The following CA6 variants were observed in gnomAD, a reference collection of about 807,000 sequenced individuals.
CA6 encodes the protein carbonate dehydratase VI.
Under a neutral mutation model 35.9 loss-of-function variants are expected in CA6, and 28 were observed. The ratio of observed to expected loss-of-function variants is 0.78; its 90% CI spans 0.58 to 1.07. The LOEUF is 1.07. Among genes scored for constraint, CA6 ranks in the 50% least tolerant of loss-of-function variants. The pLI is 0.00. For synonymous variants in CA6, 148 were observed against 152.6 expected (o/e 0.97, Z 0.22); for missense variants, 377 against 382.0 (o/e 0.99, Z 0.11).
chr1:8,954,155 CTTTA>C (rs775598868), intron 2 of CA6, among the ~76,000 whole-genome samples: 5 of 149,624 alleles, frequency 3.3e-5, no homozygotes, highest in Non-Finnish European at 5.9e-5. Flanking sequence ...AGCAGCCATT[CTTTA>C]TTCCACTACT....
At chr1:8,961,816 T>C (rs911111113) in intron 4 of CA6, among the ~76,000 whole-genome samples, 9 of 152,186 alleles carry the variant, frequency 5.9e-5, no homozygotes, top group Non-Finnish European at 1.0e-4. Flanking sequence ...TGACCTGGTG[T>C]TGGGGGAATT....
intron 5 of CA6, among the ~76,000 whole-genome samples, chr1:8,967,298 A>C (rs1639995294): frequency 6.6e-6 from 1 of 152,168 alleles, no homozygotes; most frequent in Non-Finnish European, 1.5e-5. Context: ...CAGCAGTTAC[A>C]CTTAGGAGTA....
intron 6 of CA6, among the ~76,000 whole-genome samples, chr1:8,970,644 G>A (rs1640085136): frequency 6.6e-6 from 1 of 152,064 alleles, no homozygotes; most frequent in Admixed American, 6.6e-5. Context: ...GAGTAGCTGG[G>A]ATTACAGGTG....
chr1:8,968,923 T>C (rs1277284056), intron 6 of CA6, among the ~76,000 whole-genome samples: 5 of 150,528 alleles, frequency 3.3e-5, no homozygotes, highest in Non-Finnish European at 7.4e-5. Flanking sequence ...GAGGCTGAGG[T>C]GGAAGAATCA....
In CA6 at chr1:8,948,274, C is replaced by T. The variant is rs1336700697; in HGVS notation, c.80-989C>T. On this transcript the variant is annotated intron_variant, in intron 1 of 7. Coordinates refer to ENST00000377443, the MANE Select transcript of CA6 (RefSeq NM_001215.4). ...CCACAGCTGTATGGGAGCCAAGTCA[C>T]CATGATAATCACTCACCTATGTTAC... Among the ~76,000 whole-genome samples, 3 of 152,106 alleles carry T rather than the reference C, an allele frequency of 2.0e-5. No homozygotes were observed. In the East Asian group the frequency reaches 5.8e-4, roughly 29 times the overall value.
At chr1:8,970,748 G>C in intron 6 of CA6, 119 bp from the exon 7 acceptor site, 1 of 720,848 alleles carries the variant, frequency 1.4e-6, no homozygotes, top group Non-Finnish European at 2.6e-6. Flanking sequence ...TGATCTGCCC[G>C]CCCCAGCCTC....
At chr1:8,954,122 C>T (rs1639612106) in intron 2 of CA6, among the ~76,000 whole-genome samples, 1 of 151,750 alleles carries the variant, frequency 6.6e-6, no homozygotes, top group South Asian at 2.1e-4. Context: ...AACCAGCTGC[C>T]CTTGGGGCTG....
At chr1:8,956,012 C>T (rs1557624109) in intron 2 of CA6, among the ~76,000 whole-genome samples, 1 of 152,182 alleles carries the variant, frequency 6.6e-6, no homozygotes, top group Non-Finnish European at 1.5e-5. Context: ...CACTTGAGGT[C>T]AGGAGTTCGA....
chr1:8,949,349 A>C lies in CA6; in HGVS notation c.166A>C (p.Lys56Gln). Reference sequence around the variant, plus strand: ...GTCGCCTATCAACCTACAGAGGACGAAGGTGCGGTACAACCCCTCCTTGAA... The same window carrying C: ...GTCGCCTATCAACCTACAGAGGACGCAGGTGCGGTACAACCCCTCCTTGAA... Reference protein sequence around the residue: ...RQSPINLQRTKVRYNPSLKGL... With the variant: ...RQSPINLQRTQVRYNPSLKGL... Residue 56 changes from lysine to glutamine, a missense_variant, in exon 2 of 8, where the codon AAG (lysine) becomes CAG (glutamine). By Grantham distance (53) the Lys-to-Gln change is moderately conservative. Transcript: ENST00000377443. 6.2e-7 allele frequency: 1 copy of C among 1,613,222 alleles called. No individual in the cohort carries two copies. The highest frequency in any genetic ancestry group is 1.7e-5 in the Admixed American group (1 of 59,962).
At chr1:8,957,785 C>CAAAAAA (rs869085886) in intron 3 of CA6, among the ~76,000 whole-genome samples, 1 of 79,314 alleles carries the variant, frequency 1.3e-5, no homozygotes, top group Non-Finnish European at 2.7e-5. Flanking sequence ...CTTGTGTCTA[C>CAAAAAA]AAAAAAAAAA....
At chr1:8,946,906 C>T (rs546588411) in intron 1 of CA6, among the ~76,000 whole-genome samples, 12 of 149,746 alleles carry the variant, frequency 8.0e-5, no homozygotes, top group South Asian at 2.1e-4. Flanking sequence ...TGGTTTCAAG[C>T]GATTCTCATG....
In CA6 at chr1:8,949,381, C is replaced by CA. The variant is rs1389691272; in HGVS notation, c.200dup (p.Asn67LysfsTer6). ...GGTACAACCCCTCCTTGAAGGGGCT[C>CA]AATATGACAGGCTATGAGACCCAGG... On this transcript the variant is annotated frameshift_variant, in exon 2 of 8. Coordinates refer to ENST00000377443, the MANE Select transcript of CA6 (RefSeq NM_001215.4). LOFTEE classifies it high-confidence loss of function. The CA allele has an allele frequency of 1.9e-6, 3 of 1,613,280 alleles. No homozygotes were observed. The highest frequency in any genetic ancestry group is 2.5e-6 in the Non-Finnish European group (3 of 1,179,676).
At chr1:8,946,807 T>G (rs1033499642) in intron 1 of CA6, among the ~76,000 whole-genome samples, 7 of 17,342 alleles carry the variant, frequency 4.0e-4, no homozygotes, top group Admixed American at 8.0e-4. Flanking sequence ...TTTTTTTTGT[T>G]TTTTTTTTTT....
chr1:8,959,070 G>A, intron 4 of CA6, 68 bp downstream of exon 4: 3 of 910,956 alleles, frequency 3.3e-6, no homozygotes, highest in Non-Finnish European at 5.5e-6. Flanking sequence ...AAGGTGTGAA[G>A]TCTAGTTGAA....
At chr1:8,953,839 C>T (rs953216403) in intron 2 of CA6, among the ~76,000 whole-genome samples, 1 of 152,124 alleles carries the variant, frequency 6.6e-6, no homozygotes, top group Non-Finnish European at 1.5e-5. Flanking sequence ...TTCTCAGTCA[C>T]AGGATGAGAT....
chr1:8,966,531 C>T (rs1390864249), intron 5 of CA6, among the ~76,000 whole-genome samples: 2 of 152,072 alleles, frequency 1.3e-5, no homozygotes, highest in East Asian at 3.8e-4. Context: ...ACCACAGAGC[C>T]CTTTTGGAGG....
At chr1:8,957,728 T>A (rs753048048) in intron 3 of CA6, among the ~76,000 whole-genome samples, 6 of 148,996 alleles carry the variant, frequency 4.0e-5, no homozygotes, top group Admixed American at 3.4e-4. Flanking sequence ...GCAGGGGAAT[T>A]GCTTGAGCCC....
chr1:8,948,537 G>C (rs1331522448), intron 1 of CA6, among the ~76,000 whole-genome samples: 2 of 151,874 alleles, frequency 1.3e-5, no homozygotes, highest in Non-Finnish European at 2.9e-5. Context: ...GTTCCTGTTG[G>C]GGGCATGGAA....
chr1:8,964,351 G>T (rs1557629503), intron 5 of CA6, among the ~76,000 whole-genome samples: 3 of 152,144 alleles, frequency 2.0e-5, no homozygotes, highest in Admixed American at 6.5e-5. Context: ...GGGTTGAAGT[G>T]ATTCCCCTGC....
Sources: allele counts gnomAD v4.1 joint callset (sites outside exome capture counted in the v4.1 genomes callset), GRCh38; gene constraint gnomAD v4.1.1; transcripts MANE v1.5; gene names NCBI Gene and HGNC (gene_info 2026-07-23, HGNC 2026-07-21).